The following MCFD2 variants were observed in gnomAD, a reference collection of about 807,000 sequenced individuals.
The protein encoded by MCFD2 is multiple coagulation factor deficiency protein 2.
In MCFD2, 11 loss-of-function variants were observed where a neutral mutation model predicts 12.8. The ratio of observed to expected loss-of-function variants is 0.86; its 90% CI spans 0.54 to 1.42. The LOEUF (loss-of-function observed/expected upper bound fraction) is 1.42, where lower values mean the gene tolerates loss of function less well. Among genes scored for constraint, MCFD2 ranks in the 40% most tolerant of loss-of-function variants. MCFD2 has a pLI of 0.00. For synonymous variants in MCFD2, 70 were observed against 68.1 expected, an observed-to-expected ratio of 1.03 and a Z score of -0.14; for missense variants, 191 against 178.6, an observed-to-expected ratio of 1.07 and a Z score of -0.40.
intron 1 of MCFD2, among the ~76,000 whole-genome samples, chr2:46,911,374 C>T (rs961919903): frequency 1.6e-4 from 24 of 151,366 alleles, no homozygotes; most frequent in Non-Finnish European, 2.7e-4. Flanking sequence ...GTGATCCACC[C>T]GCCTCGGCCT....
chr2:46,934,074 T>C (rs984945293), intron 1 of MCFD2, among the ~76,000 whole-genome samples: 2 of 152,174 alleles, frequency 1.3e-5, no homozygotes, highest in African/African-American at 4.8e-5. Flanking sequence ...GAGAATGTCA[T>C]AATAATCATC....
rs1447267276 is a variant in MCFD2, at chr2:46,941,596, C to A, written c.-32G>T. ...CCTGAAGGTGGAGAGCGAGCTGGAG[C>A]GCTGCCGCGCCGAGGGCCACTGGGA... On this transcript the variant is annotated 5_prime_UTR_variant, in exon 1 of 3. Coordinates refer to the MCFD2 transcript ENST00000409147. This position sits in a 1 kb window ranked among gnomAD's most constrained non-coding sequence, Gnocchi z 4.2. The A allele has an allele frequency of 1.3e-6, 2 of 1,556,962 alleles. No individual in the cohort carries two copies. Among genetic ancestry groups the A allele is most frequent in the Middle Eastern group, 1.7e-4 (1 of 5,962 alleles).
At chr2:46,917,033 G>T (rs183764520), upstream of MCFD2, among the ~76,000 whole-genome samples, 18 of 152,102 alleles carry the variant, frequency 1.2e-4, no homozygotes, top group East Asian at 3.5e-3. Context: ...GACAAAGAAA[G>T]TGGCTAAGTA....
chr2:46,930,646 C>T (rs898388788), intron 1 of MCFD2, among the ~76,000 whole-genome samples: 5 of 151,894 alleles, frequency 3.3e-5, no homozygotes, highest in African/African-American at 1.2e-4. Context: ...ATTACAGGCG[C>T]CTGCAACCAC....
In MCFD2 at chr2:46,940,720, C is replaced by T. The variant is rs1670256852; in HGVS notation, c.-8+852G>A. On this transcript the variant is annotated intron_variant, in intron 1 of 2. Transcript: ENST00000409147. The surrounding 1 kb of genome is among the most constrained non-coding windows in gnomAD (Gnocchi z 4.7). ...AATACAAATGCTCCCAGCAGAGGGG[C>T]GTCCAGAGAGTCGCGGGCCTGGGAA... Among the ~76,000 whole-genome samples, 1 of 152,220 alleles carries T rather than the reference C, an allele frequency of 6.6e-6. No homozygotes were observed. Among genetic ancestry groups the T allele is most frequent in the Non-Finnish European group, 1.5e-5 (1 of 68,040 alleles).
At chr2:46,914,970 T>A (rs958700809) in intron 1 of MCFD2, among the ~76,000 whole-genome samples, 3 of 152,104 alleles carry the variant, frequency 2.0e-5, no homozygotes, top group Admixed American at 2.0e-4. Context: ...GGAAGAGCAA[T>A]GAGAATCCAC....
chr2:46,938,243 C>T (rs748232576), intron 1 of MCFD2, among the ~76,000 whole-genome samples: 5 of 152,190 alleles, frequency 3.3e-5, no homozygotes, highest in Non-Finnish European at 5.9e-5. Context: ...TTTAAACCCA[C>T]AAGGAAACAT....
chr2:46,916,941 G>A (rs1036094638), upstream of MCFD2, among the ~76,000 whole-genome samples: 4 of 150,980 alleles, frequency 2.6e-5, no homozygotes, highest in Non-Finnish European at 3.0e-5. Context: ...CAGGACGGTC[G>A]TTTTTTTTAA....
Position 46,941,651 on chromosome 2 carries a change from A to C in MCFD2, c.-87T>G. 1 of 1,552,614 alleles carries C rather than the reference A, an allele frequency of 6.4e-7. No homozygotes were observed. Among genetic ancestry groups the C allele is most frequent in the Non-Finnish European group, 8.7e-7 (1 of 1,148,416 alleles). ...ATGCCGGAGCTGGTCCGGCAGCTGC[A>C]GACGCTGAGCATGCCCGGCGGCGGA... is the stretch of plus-strand genomic sequence containing the variant. On this transcript the variant is annotated 5_prime_UTR_variant, in exon 1 of 3. Coordinates refer to the MCFD2 transcript ENST00000409147. The surrounding 1 kb of genome is among the most constrained non-coding windows in gnomAD (Gnocchi z 4.2).
In MCFD2 at chr2:46,902,937, A is replaced by G. The variant is rs968552813; in HGVS notation, c.*2526T>C. On this transcript the variant is annotated 3_prime_UTR_variant, in exon 4 of 4. Transcript: ENST00000319466. ...TGTGAATTAAAATTAAGAAACTAGC[A>G]GTATTCTACTACAGTCAAGTTCCTG... 6.6e-6 allele frequency: 1 copy of G among 152,248 alleles called. No individual in the cohort carries two copies. The highest frequency in any genetic ancestry group is 2.4e-5 in the African/African-American group (1 of 41,464). The allele number at this position is 152,248 out of a possible 1,614,324, so 9.4% of individuals were successfully genotyped here.
Position 46,937,573 on chromosome 2 carries a change from A to G in MCFD2, c.-8+3999T>C, listed in dbSNP as rs1670042929. On this transcript the variant is annotated intron_variant, in intron 1 of 2. Transcript: ENST00000409147. The surrounding 1 kb of genome is among the most constrained non-coding windows in gnomAD (Gnocchi z 4.0). Reference sequence around the variant, plus strand: ...CCTCAGAAGCAAAACATTGGATGAAAAAGTCAGAATGGAAAACCCCCCAAT... The same window carrying G: ...CCTCAGAAGCAAAACATTGGATGAAGAAGTCAGAATGGAAAACCCCCCAAT... Among the ~76,000 whole-genome samples, 1 of 152,194 alleles carries G rather than the reference A, an allele frequency of 6.6e-6. No homozygotes were observed. Among genetic ancestry groups the G allele is most frequent in the Admixed American group, 6.5e-5 (1 of 15,280 alleles).
intron 1 of MCFD2, among the ~76,000 whole-genome samples, chr2:46,930,114 T>G (rs987852213): frequency 3.0e-4 from 45 of 152,218 alleles, no homozygotes; most frequent in Non-Finnish European, 6.3e-4. Context: ...TACTGTTATT[T>G]AAGTACAGAA....
In MCFD2 at chr2:46,941,753, G is replaced by A. The variant is rs6755386; in HGVS notation, c.-189C>T. On this transcript the variant is annotated 5_prime_UTR_variant, in exon 1 of 3. Coordinates refer to the MCFD2 transcript ENST00000409147. This position sits in a 1 kb window ranked among gnomAD's most constrained non-coding sequence, Gnocchi z 4.2. ...GAGTAAGGGAAGAGGCTGGCTCGCC[G>A]GCAGCGAGCGCGCGAAACGCACCGC... 6.5e-7 allele frequency: 1 copy of A among 1,547,004 alleles called. No individual in the cohort carries two copies. The highest frequency in any genetic ancestry group is 1.4e-5 in the African/African-American group (1 of 73,022).
intron 3 of MCFD2, 125 bp from the exon 4 acceptor site, chr2:46,905,719 A>G: frequency 1.0e-6 from 1 of 968,366 alleles, no homozygotes; most frequent in Non-Finnish European, 1.6e-6. Flanking sequence ...AAAAAAAGGA[A>G]AAACAAAACA....
rs750670160 is a variant in MCFD2 at position 46,907,479 on chromosome 2, G to A, written c.309+331C>T. ...GGCTCACTATAGCCTCGACATCCTG[G>A]ACTCAAGCAATCCTCCCACCTTAGC... On this transcript the variant is annotated intron_variant, in intron 3 of 3. Transcript: ENST00000319466. The surrounding 1 kb of genome is among the most constrained non-coding windows in gnomAD (Gnocchi z 4.1). 2.7e-6 allele frequency: 1 copy of A among 367,864 alleles called. No homozygotes were observed. The highest frequency in any genetic ancestry group is 5.3e-6 in the Non-Finnish European group (1 of 190,426). 22.8% of individuals were successfully genotyped at this position (367,864 alleles called of 1,614,324 possible). A position where few individuals can be genotyped will look rare whatever the true frequency, so the allele number is the denominator to read the frequency against.
intron 1 of MCFD2, among the ~76,000 whole-genome samples, chr2:46,934,352 G>A (rs1669858463): frequency 1.3e-5 from 2 of 152,166 alleles, no homozygotes; most frequent in Admixed American, 6.5e-5. Flanking sequence ...TCTGCCTTCC[G>A]GGTTCAAGCA....
chr2:46,908,253 G>T lies in MCFD2; in HGVS notation c.150-284C>A. The T allele has an allele frequency of 2.2e-6, 1 of 452,124 alleles. No homozygotes were observed. The allele number at this position is 452,124 out of a possible 1,614,324, so 28.0% of individuals were successfully genotyped here. A position where few individuals can be genotyped will look rare whatever the true frequency, so the allele number is the denominator to read the frequency against. ...TTTCAGGCCATCAATTTAAAAATAT[G>T]TCCTTTAAAACTTTTTTTTTTTTTT... On this transcript the variant is annotated intron_variant, in intron 2 of 3. Transcript: ENST00000319466. This position sits in a 1 kb window ranked among gnomAD's most constrained non-coding sequence, Gnocchi z 4.5.
chr2:46,935,050 C>G (rs1331179793), intron 1 of MCFD2, among the ~76,000 whole-genome samples: 1 of 151,988 alleles, frequency 6.6e-6, no homozygotes, highest in East Asian at 1.9e-4. Flanking sequence ...CCACCCACCT[C>G]GGCCTCCCAA....
At chr2:46,911,098 C>T (rs1668467749) in intron 1 of MCFD2, among the ~76,000 whole-genome samples, 1 of 152,138 alleles carries the variant, frequency 6.6e-6, no homozygotes, top group African/African-American at 2.4e-5. Context: ...ACAGTGACAT[C>T]AAAATGCAAT....
Sources: allele counts gnomAD v4.1 joint callset (sites outside exome capture counted in the v4.1 genomes callset), GRCh38; gene constraint gnomAD v4.1.1; non-coding constraint Gnocchi (gnomAD v3.1); transcripts MANE v1.5; gene names NCBI Gene and HGNC (gene_info 2026-07-23, HGNC 2026-07-21).